VCPIP1: variants seen among roughly 807,000 people sequenced by gnomAD.
The protein encoded by VCPIP1 is valosin containing protein interacting protein 1.
Under a neutral mutation model 85.0 loss-of-function variants are expected in VCPIP1, and 8 were observed. The observed-to-expected ratio is 0.09, with a 90% CI of 0.06 to 0.17. The LOEUF is 0.17. VCPIP1 is among the 10% of genes least tolerant of loss of function. The pLI is 1.00. For synonymous variants in VCPIP1, 543 were observed against 544.5 expected, an observed-to-expected ratio of 1.00 and a Z score of 0.04; for missense variants, 1,070 against 1,486.3, an observed-to-expected ratio of 0.72 and a Z score of 4.61.
chr8:66,646,464 G>T (rs780681191), intron 2 of VCPIP1, among the ~76,000 whole-genome samples: 18 of 152,120 alleles, frequency 1.2e-4, no homozygotes, highest in Non-Finnish European at 2.2e-4. Context: ...TAAAAATCCT[G>T]GCAGACTCTT....
At chr8:66,645,905 G>A (rs1406446450) in intron 2 of VCPIP1, among the ~76,000 whole-genome samples, 3 of 151,966 alleles carry the variant, frequency 2.0e-5, no homozygotes, top group Non-Finnish European at 4.4e-5. Context: ...ACTCCAACCC[G>A]GGTAACAAAG....
At chr8:66,660,735 C>CT (rs1226527944) in intron 1 of VCPIP1, among the ~76,000 whole-genome samples, 2 of 151,554 alleles carry the variant, frequency 1.3e-5, no homozygotes, top group South Asian at 2.1e-4. Context: ...GTAGGAACAT[C>CT]TTTTTTTTTA....
At chr8:66,663,714 G>A (rs564425813) in intron 1 of VCPIP1, among the ~76,000 whole-genome samples, 40 of 152,208 alleles carry the variant, frequency 2.6e-4, no homozygotes, top group African/African-American at 9.1e-4. Context: ...ACAAATCCTA[G>A]TGTACTTACA....
Position 66,666,960 on chromosome 8 carries a change from G to A in VCPIP1, c.-2C>T. 2 of 1,556,136 alleles carry A rather than the reference G, an allele frequency of 1.3e-6. No individual in the cohort carries two copies. Among genetic ancestry groups the A allele is most frequent in the Non-Finnish European group, 1.7e-6 (2 of 1,158,004 alleles). ...CGGCGGCGGCGGCGGCTGAGACATAGCTCCTGGCTCTCGTGTCTCGCTCCG... is the reference window on the plus strand; with the variant it reads ...CGGCGGCGGCGGCGGCTGAGACATAACTCCTGGCTCTCGTGTCTCGCTCCG... On this transcript the variant is annotated 5_prime_UTR_variant, in exon 1 of 3. Transcript: ENST00000310421. The surrounding 1 kb of genome is among the most constrained non-coding windows in gnomAD (Gnocchi z 6.3).
chr8:66,635,215 C>A lies in VCPIP1; in HGVS notation c.2955G>T (p.Gln985His). 6.2e-7 allele frequency: 1 copy of A among 1,614,204 alleles called. No individual in the cohort carries two copies. Among genetic ancestry groups the A allele is most frequent in the Non-Finnish European group, 8.5e-7 (1 of 1,180,048 alleles). Residue 985 changes from glutamine to histidine, a missense_variant, in exon 3 of 3, where the codon CAG becomes CAT. This residue lies in a region of VCPIP1 where 255 missense variants were observed against 289.5 expected (regional missense o/e 0.88). Coordinates refer to ENST00000310421, the MANE Select transcript of VCPIP1 (RefSeq NM_025054.5). ...TTCTTGTAGTAGCCTCTGCTCGAAC[C>A]TGACTTACAGCCTCTTTAACTAAAT... Reference protein sequence around the residue: ...VEDLVKEAVSQVRAEATTRSR... With the variant: ...VEDLVKEAVSHVRAEATTRSR...
chr8:66,663,509 G>T (rs1811177394), intron 1 of VCPIP1, among the ~76,000 whole-genome samples: 1 of 152,110 alleles, frequency 6.6e-6, no homozygotes, highest in Non-Finnish European at 1.5e-5. Flanking sequence ...GTACACCATT[G>T]AACAGTATCC....
At chr8:66,638,604 C>T (rs2130148594) in intron 2 of VCPIP1, among the ~76,000 whole-genome samples, 1 of 152,040 alleles carries the variant, frequency 6.6e-6, no homozygotes, top group Non-Finnish European at 1.5e-5. Flanking sequence ...ACGGTGAAAC[C>T]TCATCTCTAC....
chr8:66,633,968 C>CT lies in VCPIP1; in HGVS notation c.*532dup, dbSNP rs1294230017. The CT allele has an allele frequency of 1.3e-5, 2 of 152,210 alleles. No individual in the cohort carries two copies. Among genetic ancestry groups the CT allele is most frequent in the Non-Finnish European group, 2.9e-5 (2 of 68,056 alleles). 9.4% of individuals were successfully genotyped at this position (152,210 alleles called of 1,614,324 possible). A position where few individuals can be genotyped will look rare whatever the true frequency, so the allele number is the denominator to read the frequency against. Reference sequence around the variant, plus strand: ...TCAAGATATTTTCGCCAAGAAATCTCTATGAATGTGTTTACGTTCATAGAA... The same window carrying CT: ...TCAAGATATTTTCGCCAAGAAATCTCTTATGAATGTGTTTACGTTCATAGAA... On this transcript the variant is annotated 3_prime_UTR_variant, in exon 3 of 3. Transcript: ENST00000310421.
At chr8:66,639,369 A>G (rs188191315) in intron 2 of VCPIP1, among the ~76,000 whole-genome samples, 12 of 118,456 alleles carry the variant, frequency 1.0e-4, no homozygotes, top group Admixed American at 1.0e-3. Context: ...GGTTGGGGGA[A>G]ATGGTGTCTG....
In VCPIP1 at chr8:66,632,738, T is replaced by C. The variant is rs1429817041; in HGVS notation, c.*1763A>G. 1.3e-5 allele frequency: 2 copies of C among 152,144 alleles called. No individual in the cohort carries two copies. Among genetic ancestry groups the C allele is most frequent in the African/African-American group, 2.4e-5 (1 of 41,460 alleles). 9.4% of individuals were successfully genotyped at this position (152,144 alleles called of 1,614,324 possible). A position where few individuals can be genotyped will look rare whatever the true frequency, so the allele number is the denominator to read the frequency against. On this transcript the variant is annotated 3_prime_UTR_variant, in exon 3 of 3. Transcript: ENST00000310421. ...ATAATTATAGTGGTTAGTGAAGTGATATTTGTAATTCGTAGTTTAATACAC... is the reference window on the plus strand; with the variant it reads ...ATAATTATAGTGGTTAGTGAAGTGACATTTGTAATTCGTAGTTTAATACAC...
rs1365017570 is a variant in VCPIP1, at chr8:66,629,577, G to C, written c.*4924C>G. 2.0e-5 allele frequency: 3 copies of C among 152,314 alleles called. No individual in the cohort carries two copies. The East Asian group carries it at 5.8e-4, about 29-fold the overall frequency. 9.4% of individuals were successfully genotyped at this position (152,314 alleles called of 1,614,324 possible). A position where few individuals can be genotyped will look rare whatever the true frequency, so the allele number is the denominator to read the frequency against. ...AAAGAAATTTTGCTGGCAGGGTGCG[G>C]TGGCTCACGCCTGTAATCCCAGCAC... On this transcript the variant is annotated 3_prime_UTR_variant, in exon 3 of 3. Transcript: ENST00000310421.
intron 2 of VCPIP1, among the ~76,000 whole-genome samples, chr8:66,643,589 C>T (rs1313475375): frequency 1.3e-5 from 2 of 151,488 alleles, no homozygotes; most frequent in Non-Finnish European, 2.9e-5. Flanking sequence ...CTAATCCCAG[C>T]TACTCGGGGA....
In VCPIP1 at chr8:66,634,281, G is replaced by C. The variant is rs907850904; in HGVS notation, c.*220C>G. The C allele has an allele frequency of 1.4e-5, 6 of 421,742 alleles. No individual in the cohort carries two copies. Among genetic ancestry groups the C allele is most frequent in the African/African-American group, 1.2e-4 (6 of 48,676 alleles). 26.1% of individuals were successfully genotyped at this position (421,742 alleles called of 1,614,324 possible). On this transcript the variant is annotated 3_prime_UTR_variant, in exon 3 of 3. Coordinates refer to ENST00000310421, the MANE Select transcript of VCPIP1 (RefSeq NM_025054.5). ...TATATGGAAGAAAGTCATCTCAGCA[G>C]ATCTAACAGCTAATTTATAGAAATT...
At chr8:66,661,789 A>C (rs1811160607) in intron 1 of VCPIP1, among the ~76,000 whole-genome samples, 1 of 147,764 alleles carries the variant, frequency 6.8e-6, no homozygotes, top group South Asian at 2.2e-4. Flanking sequence ...TTTGAGATAC[A>C]GTCTTGTTCT....
chr8:66,662,701 G>A (rs916244318), intron 1 of VCPIP1, among the ~76,000 whole-genome samples: 1 of 151,330 alleles, frequency 6.6e-6, no homozygotes, highest in Non-Finnish European at 1.5e-5. Context: ...TTTATTTTTT[G>A]AGACAGAGTC....
At chr8:66,663,525 C>A (rs1811177518) in intron 1 of VCPIP1, among the ~76,000 whole-genome samples, 1 of 152,188 alleles carries the variant, frequency 6.6e-6, no homozygotes. Flanking sequence ...TATCCCAAAT[C>A]ATCTAAAGCT....
In VCPIP1 at chr8:66,664,721, A is replaced by C; in HGVS notation, c.2238T>G (p.Val746=). The C allele has an allele frequency of 6.2e-7, 1 of 1,613,822 alleles. No individual in the cohort carries two copies. The change falls in exon 1 of 3, where the codon GTT becomes GTG. Residue 746 remains valine, a synonymous_variant. Transcript: ENST00000310421. ...KQEQKGQPRT[V]SPSTIRDGPS... ...GACCATCACGAATGGTACTGGGAGA[A>C]ACAGTCCTGGGTTGCCCTTTTTGTT... is the stretch of plus-strand genomic sequence containing the variant.
chr8:66,664,193 A>C (rs1051498267), intron 1 of VCPIP1, 56 bp downstream of exon 1: 59 of 1,454,992 alleles, frequency 4.1e-5, no homozygotes, highest in Non-Finnish European at 5.0e-5. Context: ...TAACAGGAAA[A>C]CTCAGTGTAT....
rs1463519631 is a variant in VCPIP1 at position 66,633,507 on chromosome 8, G to A, written c.*994C>T. 1.3e-5 allele frequency: 2 copies of A among 151,292 alleles called. No individual in the cohort carries two copies. The highest frequency in any genetic ancestry group is 2.9e-5 in the Non-Finnish European group (2 of 67,820). 9.4% of individuals were successfully genotyped at this position (151,292 alleles called of 1,614,324 possible). A position where few individuals can be genotyped will look rare whatever the true frequency, so the allele number is the denominator to read the frequency against. ...ACCCAGCTGATCAGGGTGTGATGCA[G>A]TAAAATTTGCATCTAAACCCAAGTG... On this transcript the variant is annotated 3_prime_UTR_variant, in exon 3 of 3. Transcript: ENST00000310421.
Sources: gnomAD v4.1 joint callset for allele counts (sites outside exome capture counted in the v4.1 genomes callset) on GRCh38, gnomAD v4.1.1 for gene constraint, gnomAD v4.1.1 regional missense constraint, Gnocchi (gnomAD v3.1) non-coding constraint, MANE v1.5 for transcripts, NCBI Gene and HGNC (gene_info 2026-07-23, HGNC 2026-07-21) for gene names.